Variants in ZNF385B observed in about 807,000 individuals in gnomAD.
The protein encoded by ZNF385B is zinc finger protein 533.
ZNF385B carries 23 observed loss-of-function variants against 39.2 expected under a neutral mutation model. That is an observed-to-expected ratio of 0.59 (90% CI 0.42 to 0.83). The LOEUF is 0.83. Among genes scored for constraint, ZNF385B ranks in the 40% least tolerant of loss-of-function variants. The pLI, the probability that ZNF385B is intolerant of heterozygous loss-of-function variation, is 0.00. For missense variants in ZNF385B, 552 were observed against 598.9 expected (o/e 0.92, Z 0.82); for synonymous variants, 205 against 222.6 (o/e 0.92, Z 0.70).
chr2:179,576,768 A>C (rs1685869036), intron 3 of ZNF385B, among the ~76,000 whole-genome samples: 1 of 152,210 alleles, frequency 6.6e-6, no homozygotes, highest in South Asian at 2.1e-4. Context: ...GATGTAATTC[A>C]GGGAAGAGAC....
intron 3 of ZNF385B, among the ~76,000 whole-genome samples, chr2:179,679,243 A>G (rs1697276884): frequency 6.6e-6 from 1 of 152,166 alleles, no homozygotes; most frequent in South Asian, 2.1e-4. Flanking sequence ...TCATGTTTAG[A>G]AACTTTTAGA....
At chr2:179,733,676 C>T (rs929079395) in intron 3 of ZNF385B, among the ~76,000 whole-genome samples, 2 of 150,346 alleles carry the variant, frequency 1.3e-5, no homozygotes, top group East Asian at 2.0e-4. Flanking sequence ...CCAGCTACTC[C>T]GGAGGCGGAG....
At chr2:179,807,466 C>T (rs563059999) in intron 1 of ZNF385B, among the ~76,000 whole-genome samples, 192 of 151,942 alleles carry the variant, frequency 1.3e-3, no homozygotes, top group African/African-American at 4.2e-3. Context: ...GGCGTTGTGG[C>T]GTGTGCCTTG....
intron 1 of ZNF385B, among the ~76,000 whole-genome samples, chr2:179,827,837 A>G (rs1707765327): frequency 6.6e-6 from 1 of 152,206 alleles, no homozygotes; most frequent in South Asian, 2.1e-4. Context: ...CAAGATTACC[A>G]AAACCCCAGA....
chr2:179,575,716 T>G (rs1282523774), intron 3 of ZNF385B, among the ~76,000 whole-genome samples: 1 of 152,042 alleles, frequency 6.6e-6, no homozygotes, highest in South Asian at 2.1e-4. Flanking sequence ...AATATAGTTC[T>G]CTCTCTACCA....
chr2:179,606,359 T>G (rs4894112), intron 3 of ZNF385B, among the ~76,000 whole-genome samples: 2,278 of 152,318 alleles, frequency 0.015, 64 homozygotes, highest in East Asian at 0.064. Flanking sequence ...GACAGTAGAC[T>G]GCCTGTGTTT....
At chr2:179,653,142 G>C (rs1693363144) in intron 3 of ZNF385B, among the ~76,000 whole-genome samples, 1 of 152,166 alleles carries the variant, frequency 6.6e-6, no homozygotes, top group South Asian at 2.1e-4. Context: ...TGCTGCTATA[G>C]ACAGGTTCAT....
chr2:179,676,041 G>C (rs1696727442), intron 3 of ZNF385B, among the ~76,000 whole-genome samples: 1 of 150,794 alleles, frequency 6.6e-6, no homozygotes, highest in African/African-American at 2.4e-5. Flanking sequence ...CCCACCCTCA[G>C]CCTCCCACAG....
chr2:179,814,250 C>A (rs1402600975), intron 1 of ZNF385B: 2 of 205,622 alleles, frequency 9.7e-6, no homozygotes, highest in Non-Finnish European at 2.0e-5. Context: ...TGTGGGCCAT[C>A]ATGTCACACA....
intron 6 of ZNF385B, among the ~76,000 whole-genome samples, chr2:179,478,969 T>C (rs939651426): frequency 6.6e-6 from 1 of 152,100 alleles, no homozygotes; most frequent in African/African-American, 2.4e-5. Context: ...GCCAATATGT[T>C]CTAGCCATCT....
intron 5 of ZNF385B, among the ~76,000 whole-genome samples, chr2:179,516,525 C>T (rs1463213843): frequency 2.0e-5 from 3 of 152,080 alleles, no homozygotes; most frequent in South Asian, 2.1e-4. Flanking sequence ...TTTCCTTAAT[C>T]GTTAAACATG....
chr2:179,575,587 GC>G (rs1685714215), intron 3 of ZNF385B, among the ~76,000 whole-genome samples: 1 of 152,016 alleles, frequency 6.6e-6, no homozygotes, highest in African/African-American at 2.4e-5. Flanking sequence ...GCTTTCAAAG[GC>G]CACTTGTCTG....
At chr2:179,565,753 G>A (rs995866008) in intron 3 of ZNF385B, among the ~76,000 whole-genome samples, 1 of 152,202 alleles carries the variant, frequency 6.6e-6, no homozygotes. Context: ...CGATTTTCAA[G>A]TGACATTTTA....
chr2:179,731,698 G>A (rs1055187654), intron 3 of ZNF385B, among the ~76,000 whole-genome samples: 1 of 152,178 alleles, frequency 6.6e-6, no homozygotes, highest in Non-Finnish European at 1.5e-5. Context: ...GGAGTGAGAG[G>A]ATCATTTGAG....
intron 1 of ZNF385B, among the ~76,000 whole-genome samples, chr2:179,795,563 A>G (rs750219526): frequency 1.3e-5 from 2 of 152,204 alleles, no homozygotes; most frequent in Non-Finnish European, 2.9e-5. Flanking sequence ...CTCATAAATT[A>G]TAAATAATGT....
At chr2:179,807,130 G>A (rs1428123871) in intron 1 of ZNF385B, among the ~76,000 whole-genome samples, 1 of 152,134 alleles carries the variant, frequency 6.6e-6, no homozygotes, top group African/African-American at 2.4e-5. Context: ...GTTTGCATTG[G>A]TAAATGGATA....
chr2:179,725,498 T>A (rs1400306705), intron 3 of ZNF385B, among the ~76,000 whole-genome samples: 1 of 151,782 alleles, frequency 6.6e-6, no homozygotes, highest in African/African-American at 2.4e-5. Context: ...GTCATATATA[T>A]TATATATACA....
At chr2:179,553,910 C>T (rs1035944923) in intron 3 of ZNF385B, among the ~76,000 whole-genome samples, 1 of 148,892 alleles carries the variant, frequency 6.7e-6, no homozygotes, top group African/African-American at 2.5e-5. Context: ...CTGTTCTACA[C>T]CTGTTAAAAG....
intron 3 of ZNF385B, among the ~76,000 whole-genome samples, chr2:179,718,940 C>T (rs191778819): frequency 6.7e-6 from 1 of 150,158 alleles, no homozygotes; most frequent in African/African-American, 2.4e-5. Context: ...TCTACTCACA[C>T]TTTAAAACTC....
Sources: allele counts gnomAD v4.1 joint callset (sites outside exome capture counted in the v4.1 genomes callset), GRCh38; gene constraint gnomAD v4.1.1; transcripts MANE v1.5; gene names NCBI Gene and HGNC (gene_info 2026-07-23, HGNC 2026-07-21).